MAD1L1: variants seen among roughly 807,000 people sequenced by gnomAD.
The protein encoded by MAD1L1 is mitotic spindle assembly checkpoint protein MAD1.
In MAD1L1, 95 loss-of-function variants were observed where a neutral mutation model predicts 96.9. That is an observed-to-expected ratio of 0.98 (90% CI 0.83 to 1.16). MAD1L1 has a LOEUF of 1.16. MAD1L1 is among the 50% of genes most tolerant of loss of function. The pLI is 0.00. For synonymous variants in MAD1L1, 473 were observed against 396.6 expected (o/e 1.19, Z -2.29); for missense variants, 1,007 against 954.4 (o/e 1.06, Z -0.73).
At chr7:1,980,338 C>A in intron 15 of MAD1L1, 115 bp downstream of exon 15, 2 of 825,332 alleles carry the variant, frequency 2.4e-6, no homozygotes, top group South Asian at 3.5e-5. Context: ...CCTCCTCCCC[C>A]ACAGGACACA....
intron 10 of MAD1L1, among the ~76,000 whole-genome samples, chr7:2,204,109 C>G (rs1395602768): frequency 1.3e-5 from 2 of 152,248 alleles, no homozygotes; most frequent in African/African-American, 2.4e-5. Context: ...CATGCTGCCA[C>G]TCCTCACAGC....
chr7:1,938,553 A>AGTCAGAAATAACCAAGGGCAT (rs1186454754), intron 16 of MAD1L1, among the ~76,000 whole-genome samples: 386 of 152,138 alleles, frequency 2.5e-3, no homozygotes, highest in East Asian at 5.2e-3. Context: ...CATACGAAGA[A>AGTCAGAAATAACCAAGGGCAT]GTCAGAAATA....
intron 12 of MAD1L1, among the ~76,000 whole-genome samples, chr7:2,028,523 A>C (rs1038854114): frequency 6.6e-6 from 1 of 152,116 alleles, no homozygotes; most frequent in Admixed American, 6.5e-5. Flanking sequence ...CATTTAATCA[A>C]TGCATTCTCA....
intron 10 of MAD1L1, among the ~76,000 whole-genome samples, chr7:2,149,551 C>T (rs1347762488): frequency 6.6e-6 from 1 of 152,214 alleles, no homozygotes; most frequent in Non-Finnish European, 1.5e-5. Flanking sequence ...AAAGCACCCG[C>T]CAGGCCCCTG....
chr7:2,069,857 C>CAG (rs1785045263), intron 11 of MAD1L1, among the ~76,000 whole-genome samples: 1 of 152,268 alleles, frequency 6.6e-6, no homozygotes, highest in Non-Finnish European at 1.5e-5. Context: ...AGAGGCCTCT[C>CAG]CCTGTCCGCC....
chr7:2,074,284 G>A (rs1785276967), intron 11 of MAD1L1, among the ~76,000 whole-genome samples: 1 of 152,134 alleles, frequency 6.6e-6, no homozygotes, highest in Non-Finnish European at 1.5e-5. Flanking sequence ...GCGGGTGCAG[G>A]TACTGAGGTC....
At chr7:1,951,609 AG>A (rs909636296) in intron 16 of MAD1L1, among the ~76,000 whole-genome samples, 1 of 152,016 alleles carries the variant, frequency 6.6e-6, no homozygotes, top group Non-Finnish European at 1.5e-5. Flanking sequence ...CCCCAGCCCC[AG>A]CCCCTGGCAC....
intron 10 of MAD1L1, among the ~76,000 whole-genome samples, chr7:2,203,987 G>T (rs1792452463): frequency 6.6e-6 from 1 of 152,198 alleles, no homozygotes; most frequent in African/African-American, 2.4e-5. Flanking sequence ...GGGAGGGCAG[G>T]AAAGGAAGAA....
chr7:1,944,455 C>G (rs1030165530), intron 16 of MAD1L1, among the ~76,000 whole-genome samples: 1 of 152,134 alleles, frequency 6.6e-6, no homozygotes, highest in Admixed American at 6.5e-5. Context: ...CCAGAGCCTG[C>G]GGGGCTGAAA....
At chr7:1,902,250 T>A (rs1787292271) in intron 17 of MAD1L1, among the ~76,000 whole-genome samples, 1 of 152,138 alleles carries the variant, frequency 6.6e-6, no homozygotes. Flanking sequence ...AGGTAAAGGC[T>A]AGCTAGCAGG....
At chr7:2,156,183 C>T (rs1452528172) in intron 10 of MAD1L1, among the ~76,000 whole-genome samples, 1 of 119,196 alleles carries the variant, frequency 8.4e-6, no homozygotes, top group Non-Finnish European at 1.8e-5. Context: ...TTTCACGGCG[C>T]GTGTGGCGAG....
chr7:1,934,853 C>G (rs1208267543), intron 17 of MAD1L1, among the ~76,000 whole-genome samples: 3 of 152,052 alleles, frequency 2.0e-5, no homozygotes, highest in East Asian at 3.9e-4. Flanking sequence ...GGCAGAGACC[C>G]AGACAACAGG....
At chr7:1,928,083 G>A (rs1033988521) in intron 17 of MAD1L1, among the ~76,000 whole-genome samples, 1 of 152,152 alleles carries the variant, frequency 6.6e-6, no homozygotes, top group East Asian at 1.9e-4. Flanking sequence ...CACTACAGTC[G>A]GAGCCCACGA....
At chr7:2,101,237 G>A (rs527834054) in intron 11 of MAD1L1, among the ~76,000 whole-genome samples, 1 of 152,332 alleles carries the variant, frequency 6.6e-6, no homozygotes, top group African/African-American at 2.4e-5. Flanking sequence ...GGTCTGCCCT[G>A]GGGGGAAGGG....
intron 12 of MAD1L1, among the ~76,000 whole-genome samples, chr7:2,065,022 G>A (rs538804443): frequency 1.4e-4 from 22 of 152,206 alleles, no homozygotes; most frequent in African/African-American, 2.9e-4. Flanking sequence ...GGAGGACAGC[G>A]GCTGCTCATG....
At chr7:1,890,206 A>T (rs763289465) in intron 18 of MAD1L1, among the ~76,000 whole-genome samples, 2 of 152,174 alleles carry the variant, frequency 1.3e-5, no homozygotes, top group African/African-American at 2.4e-5. Flanking sequence ...TGGTGTGGGT[A>T]CTGTTGGTAC....
chr7:2,060,673 G>A (rs908191731), intron 12 of MAD1L1, among the ~76,000 whole-genome samples: 9 of 152,324 alleles, frequency 5.9e-5, no homozygotes, highest in Admixed American at 4.6e-4. Context: ...GGACGGCCAC[G>A]AGGGGTCCCC....
intron 11 of MAD1L1, among the ~76,000 whole-genome samples, chr7:2,087,410 C>T (rs1005662605): frequency 1.3e-4 from 20 of 152,038 alleles, no homozygotes; most frequent in Non-Finnish European, 2.4e-4. Context: ...CCTGGTGGCG[C>T]GCGCCTGTAA....
intron 18 of MAD1L1, among the ~76,000 whole-genome samples, chr7:1,870,369 A>C (rs1784993622): frequency 7.1e-6 from 1 of 141,242 alleles, no homozygotes; most frequent in African/African-American, 2.6e-5. Flanking sequence ...TGAACCCAAC[A>C]TACGCTTGCC....
Sources: allele counts gnomAD v4.1 joint callset (sites outside exome capture counted in the v4.1 genomes callset), GRCh38; gene constraint gnomAD v4.1.1; transcripts MANE v1.5; gene names NCBI Gene and HGNC (gene_info 2026-07-23, HGNC 2026-07-21).